Variants in SPON2 observed in about 807,000 individuals in gnomAD.
The protein encoded by SPON2 is spondin 2.
In SPON2, 32 loss-of-function variants were observed where a neutral mutation model predicts 29.9. The ratio of observed to expected loss-of-function variants is 1.07; its 90% CI spans 0.81 to 1.44. SPON2 has a LOEUF of 1.44. SPON2 is among the 40% of genes most tolerant of loss of function. The probability of loss-of-function intolerance (pLI) is 0.00; values close to 1 mark genes in which losing one functional copy is unlikely to be tolerated. For synonymous variants in SPON2, 248 were observed against 209.1 expected (o/e 1.19, Z -1.61); for missense variants, 541 against 455.5 (o/e 1.19, Z -1.71).
upstream of SPON2, among the ~76,000 whole-genome samples, chr4:1,174,855 G>A (rs1727561151): frequency 6.6e-6 from 1 of 152,236 alleles, no homozygotes; most frequent in African/African-American, 2.4e-5. Context: ...TGAAGTCTAT[G>A]AAGAAAATCC....
upstream of SPON2, among the ~76,000 whole-genome samples, chr4:1,195,913 C>T (rs1398216631): frequency 3.3e-5 from 5 of 152,226 alleles, no homozygotes; most frequent in Non-Finnish European, 5.9e-5. Flanking sequence ...GGATTGCAGG[C>T]GTGAGCCCCA....
intron 4 of SPON2, chr4:1,170,787 G>T (rs1019368890): frequency 2.1e-6 from 2 of 947,092 alleles, no homozygotes; most frequent in South Asian, 1.4e-5. Flanking sequence ...CGCGCGTCCC[G>T]CTGTCCTCCC....
At chr4:1,206,906 G>A (rs1484468370) in intron 1 of SPON2, among the ~76,000 whole-genome samples, 1 of 151,618 alleles carries the variant, frequency 6.6e-6, no homozygotes, top group Non-Finnish European at 1.5e-5. Context: ...GAGACACATG[G>A]AGGGTGGGAG....
intron 1 of SPON2, among the ~76,000 whole-genome samples, chr4:1,183,911 T>G (rs926399389): frequency 6.6e-6 from 1 of 152,180 alleles, no homozygotes; most frequent in Non-Finnish European, 1.5e-5. Context: ...CAAAAAACTA[T>G]AACGCAAATA....
intron 1 of SPON2, among the ~76,000 whole-genome samples, chr4:1,183,853 A>G (rs1164793697): frequency 6.6e-6 from 1 of 152,244 alleles, no homozygotes; most frequent in East Asian, 1.9e-4. Flanking sequence ...ATTTCACTTG[A>G]AAAATCAACT....
chr4:1,175,782 G>A (rs1168343718), upstream of SPON2, among the ~76,000 whole-genome samples: 1 of 151,940 alleles, frequency 6.6e-6, no homozygotes, highest in East Asian at 1.9e-4. Context: ...GGGCAGTGGT[G>A]GGCCTAGGCC....
At chr4:1,192,824 G>A (rs940145768) in intron 1 of SPON2, among the ~76,000 whole-genome samples, 1 of 152,200 alleles carries the variant, frequency 6.6e-6, no homozygotes, top group African/African-American at 2.4e-5. Context: ...CTGAGGCCAC[G>A]GCCCAGCATC....
chr4:1,176,429 A>T (rs1206376603), upstream of SPON2, among the ~76,000 whole-genome samples: 3 of 151,994 alleles, frequency 2.0e-5, no homozygotes. Flanking sequence ...CACCCATTCA[A>T]ATAGTACATT....
chr4:1,206,307 G>A (rs1379775568), intron 1 of SPON2, among the ~76,000 whole-genome samples: 1 of 151,644 alleles, frequency 6.6e-6, no homozygotes, highest in Admixed American at 6.6e-5. Flanking sequence ...CACCCACCCG[G>A]CTGCAGCCCC....
At chr4:1,185,718 A>AAAAAAAAAT (rs1727780674) in intron 1 of SPON2, among the ~76,000 whole-genome samples, 1 of 150,842 alleles carries the variant, frequency 6.6e-6, no homozygotes, top group African/African-American at 2.4e-5. Flanking sequence ...CAAAAAAAAA[A>AAAAAAAAAT]AGAATGAAGT....
rs1477935007 is a variant in SPON2, at chr4:1,202,673, C to T, written c.-234+5207G>A. ...CCCTGCAGTCCTGGGGTCTCGGAGG[C>T]AGCCCCCACCTCAGCTCCGGTGGGC... is the stretch of plus-strand genomic sequence containing the variant. On this transcript the variant is annotated intron_variant, in intron 1 of 3. Transcript: ENST00000509233. The surrounding 1 kb of genome is among the most constrained non-coding windows in gnomAD (Gnocchi z 5.4). 6.6e-6 allele frequency among the ~76,000 whole-genome samples: 1 copy of T among 152,128 alleles called. No individual in the cohort carries two copies. The highest frequency in any genetic ancestry group is 1.5e-5 in the Non-Finnish European group (1 of 68,004).
chr4:1,206,951 G>C (rs1186621769), intron 1 of SPON2, among the ~76,000 whole-genome samples: 9 of 149,722 alleles, frequency 6.0e-5, no homozygotes, highest in African/African-American at 9.9e-5. Context: ...GTGGGGGCAG[G>C]TGTGGGGCAG....
At chr4:1,190,774 A>G (rs1485365832) in intron 1 of SPON2, among the ~76,000 whole-genome samples, 1 of 152,246 alleles carries the variant, frequency 6.6e-6, no homozygotes, top group African/African-American at 2.4e-5. Context: ...CTGAAAATAC[A>G]GACCAATATT....
chr4:1,167,390 G>T lies in SPON2; in HGVS notation c.*82C>A. The T allele has an allele frequency of 1.4e-6, 2 of 1,431,022 alleles. No homozygotes were observed. Among genetic ancestry groups the T allele is most frequent in the South Asian group, 1.3e-5 (1 of 74,474 alleles). 88.6% of individuals were successfully genotyped at this position (1,431,022 alleles called of 1,614,324 possible). A position where few individuals can be genotyped will look rare whatever the true frequency, so the allele number is the denominator to read the frequency against. ...GCAGCGCGAAACCCCCTGTGCCCTCGGCCGCCTGCAGCATGAGCCTGCACA... is the reference window on the plus strand; with the variant it reads ...GCAGCGCGAAACCCCCTGTGCCCTCTGCCGCCTGCAGCATGAGCCTGCACA... On this transcript the variant is annotated 3_prime_UTR_variant, in exon 6 of 6. Transcript: ENST00000290902.
Position 1,171,890 on chromosome 4 carries a change from GGGTACT to G in SPON2, c.176_181del (p.Gln59_Tyr60del). 6.2e-7 allele frequency: 1 copy of G among 1,612,976 alleles called. No homozygotes were observed. ...CCACTGCGCAGGGGGGCGGAACAGG[GGGTACT>G]GCTTGGGGAAGGCCGTCTGGCTCCA... On this transcript the variant is annotated inframe_deletion, in exon 2 of 6. Coordinates refer to ENST00000290902, the MANE Select transcript of SPON2 (RefSeq NM_012445.4).
chr4:1,188,200 CTCA>C (rs1560208318), intron 1 of SPON2, among the ~76,000 whole-genome samples: 1 of 91,530 alleles, frequency 1.1e-5, no homozygotes, highest in Non-Finnish European at 2.0e-5. Flanking sequence ...AAGACTCCGT[CTCA>C]AAAAAAAAAA....
chr4:1,207,634 C>T (rs1254729844), intron 1 of SPON2, among the ~76,000 whole-genome samples: 1 of 145,558 alleles, frequency 6.9e-6, no homozygotes, highest in African/African-American at 2.5e-5. Context: ...ACACATGCTC[C>T]AGAGGGTCCG....
At chr4:1,188,301 G>A (rs1727844226) in intron 1 of SPON2, among the ~76,000 whole-genome samples, 1 of 151,538 alleles carries the variant, frequency 6.6e-6, no homozygotes, top group African/African-American at 2.4e-5. Context: ...TGGAAACAGA[G>A]GAACAAAAAA....
intron 1 of SPON2, among the ~76,000 whole-genome samples, chr4:1,193,428 C>T (rs1002911341): frequency 2.0e-5 from 3 of 151,534 alleles, no homozygotes; most frequent in African/African-American, 7.3e-5. Flanking sequence ...CTCAGTGGGC[C>T]CCACCCTGGG....
Sources: allele counts gnomAD v4.1 joint callset (sites outside exome capture counted in the v4.1 genomes callset), GRCh38; gene constraint gnomAD v4.1.1; non-coding constraint Gnocchi (gnomAD v3.1); transcripts MANE v1.5; gene names NCBI Gene and HGNC (gene_info 2026-07-23, HGNC 2026-07-21).